The following MCF2L2 variants were observed in gnomAD, a reference collection of about 807,000 sequenced individuals.
MCF2L2 encodes the protein MCF.2 cell line derived transforming sequence-like 2, also known as probable guanine nucleotide exchange factor MCF2L2.
A neutral mutation model predicts 150.2 loss-of-function variants in MCF2L2; 102 were observed. The observed-to-expected ratio is 0.68, with a 90% CI of 0.58 to 0.80. MCF2L2 has a LOEUF of 0.80. Among genes scored for constraint, MCF2L2 ranks in the 30% least tolerant of loss-of-function variants. The pLI is 0.00. For missense variants in MCF2L2, 1,256 were observed against 1,372.8 expected, an observed-to-expected ratio of 0.91 and a Z score of 1.34; for synonymous variants, 465 against 491.3, an observed-to-expected ratio of 0.95 and a Z score of 0.71.
At chr3:183,272,480 C>A (rs1236520151) in intron 15 of MCF2L2, 2 of 998,370 alleles carry the variant, frequency 2.0e-6, no homozygotes, top group Non-Finnish European at 2.4e-6. Flanking sequence ...ATGATACTTA[C>A]AATTTTTAGC....
chr3:183,311,565 T>G (rs878917057), intron 8 of MCF2L2, 83 bp downstream of exon 8: 366 of 1,508,108 alleles, frequency 2.4e-4, no homozygotes, highest in Middle Eastern at 3.5e-4. Context: ...ATATTGGCTG[T>G]TCCAATCTGT....
intron 2 of MCF2L2, among the ~76,000 whole-genome samples, chr3:183,387,201 G>C (rs1022911736): frequency 1.3e-5 from 2 of 151,266 alleles, no homozygotes; most frequent in African/African-American, 2.4e-5. Context: ...GGAGGTCAAG[G>C]CTGCAGTGAG....
chr3:183,208,721 T>C (rs555459920), intron 22 of MCF2L2, among the ~76,000 whole-genome samples: 2 of 152,294 alleles, frequency 1.3e-5, no homozygotes, highest in East Asian at 3.9e-4. Flanking sequence ...GACAAAGAAA[T>C]CTCCCTAAGT....
chr3:183,421,635 C>G (rs1031406969), intron 1 of MCF2L2, among the ~76,000 whole-genome samples: 8 of 152,120 alleles, frequency 5.3e-5, no homozygotes, highest in African/African-American at 1.7e-4. Context: ...AAATCTGACA[C>G]CTGGGCTTTC....
At chr3:183,382,842 T>C (rs1713614498) in intron 2 of MCF2L2, among the ~76,000 whole-genome samples, 1 of 152,200 alleles carries the variant, frequency 6.6e-6, no homozygotes, top group African/African-American at 2.4e-5. Flanking sequence ...TGGTGATAGC[T>C]GGCATGAAGG....
intron 5 of MCF2L2, among the ~76,000 whole-genome samples, chr3:183,337,480 G>T (rs1730529110): frequency 6.6e-6 from 1 of 150,582 alleles, no homozygotes; most frequent in South Asian, 2.1e-4. Context: ...TTGAACCCAG[G>T]AGGTGGAGGT....
Position 183,269,230 on chromosome 3 carries a change from CTTT to C in MCF2L2, c.1862+7639_1862+7641del, listed in dbSNP as rs60835895. ...TACACGATTATAGCCGTTTGGGAAG[CTTT>C]TTTTTTTTTTTTTTTAAGAGTAGGA... On this transcript the variant is annotated intron_variant, in intron 15 of 29. Transcript: ENST00000328913. Among the ~76,000 whole-genome samples the C allele has an allele frequency of 1.3e-3, 105 of 80,980 alleles. 1 individual carries two copies. The highest frequency in any genetic ancestry group is 1.8e-3 in the Non-Finnish European group (81 of 45,086). The allele number at this position is 80,980 out of a possible 152,430, so 53.1% of individuals were successfully genotyped here.
At chr3:183,388,167 T>C (rs1477805727) in intron 2 of MCF2L2, among the ~76,000 whole-genome samples, 2 of 152,280 alleles carry the variant, frequency 1.3e-5, no homozygotes, top group Middle Eastern at 3.4e-3. Flanking sequence ...ATCATAAATG[T>C]ATTAATTAAT....
intron 1 of MCF2L2, among the ~76,000 whole-genome samples, chr3:183,406,354 A>G (rs780873344): frequency 2.0e-5 from 3 of 152,172 alleles, no homozygotes; most frequent in African/African-American, 7.2e-5. Context: ...TGTATATCTT[A>G]TATCTTCCTT....
intron 15 of MCF2L2, among the ~76,000 whole-genome samples, chr3:183,260,914 A>G (rs1296197579): frequency 6.6e-6 from 1 of 152,234 alleles, no homozygotes; most frequent in African/African-American, 2.4e-5. Flanking sequence ...ATGGCTTCTA[A>G]TTGTTGCCCA....
chr3:183,193,089 T>C lies in MCF2L2; in HGVS notation c.2926A>G (p.Ser976Gly). The C allele has an allele frequency of 6.2e-7, 1 of 1,613,760 alleles. No homozygotes were observed. The highest frequency in any genetic ancestry group is 8.5e-7 in the Non-Finnish European group (1 of 1,179,678). Residue 976 changes from serine to glycine, a missense_variant, in exon 27 of 30, where the codon AGT becomes GGT. Physicochemically the swap from Ser to Gly is moderately conservative, Grantham distance 56 (BLOSUM62 0). Coordinates refer to ENST00000328913, the MANE Select transcript of MCF2L2 (RefSeq NM_015078.4). ...ATCCATGGTCCGGATCCTGCTCCAC[T>C]GCCTTTGCTTTAGAGAAATAAACAT... is the stretch of plus-strand genomic sequence containing the variant. ...PQFEMSTSKGSGAGSGPWIKN... is the reference protein window; with the variant it reads ...PQFEMSTSKGGGAGSGPWIKN...
chr3:183,321,319 TC>T (rs1729800401), intron 6 of MCF2L2, among the ~76,000 whole-genome samples: 1 of 151,650 alleles, frequency 6.6e-6, no homozygotes, highest in Non-Finnish European at 1.5e-5. Context: ...GTGCCTGTAA[TC>T]CCAGTTACTT....
intron 1 of MCF2L2, among the ~76,000 whole-genome samples, chr3:183,393,164 C>T (rs1234232435): frequency 2.7e-5 from 4 of 150,818 alleles, no homozygotes; most frequent in Non-Finnish European, 5.9e-5. Flanking sequence ...CCATTTTTGG[C>T]ATGCACAGAT....
chr3:183,405,389 G>C (rs1210112382), intron 1 of MCF2L2, among the ~76,000 whole-genome samples: 1 of 152,054 alleles, frequency 6.6e-6, no homozygotes, highest in Non-Finnish European at 1.5e-5. Context: ...TGGGAATACA[G>C]TTCTATGAGT....
At chr3:183,396,170 A>C (rs1418117791) in intron 1 of MCF2L2, among the ~76,000 whole-genome samples, 4 of 151,844 alleles carry the variant, frequency 2.6e-5, no homozygotes, top group Non-Finnish European at 4.4e-5. Flanking sequence ...CGCTGCTCAG[A>C]CCCAGGGAAA....
At chr3:183,414,153 C>T (rs67522029) in intron 1 of MCF2L2, among the ~76,000 whole-genome samples, 15,343 of 152,156 alleles carry the variant, frequency 0.1, 845 homozygotes, top group African/African-American at 0.15. Flanking sequence ...ACAATTGGTA[C>T]GAATTCTTCT....
At chr3:183,216,396 T>TATATA (rs1722913293) in intron 21 of MCF2L2, among the ~76,000 whole-genome samples, 1 of 144,564 alleles carries the variant, frequency 6.9e-6, no homozygotes, top group South Asian at 2.1e-4. Flanking sequence ...GCTATATAGC[T>TATATA]GAATTCTATA....
intron 1 of MCF2L2, among the ~76,000 whole-genome samples, chr3:183,393,185 C>T (rs935474162): frequency 3.5e-5 from 5 of 142,686 alleles, no homozygotes; most frequent in Non-Finnish European, 3.0e-5. Context: ...TAGGGAGAAA[C>T]TTGTCTCTTT....
chr3:183,419,092 AC>A (rs1715745247), intron 1 of MCF2L2, among the ~76,000 whole-genome samples: 2 of 152,192 alleles, frequency 1.3e-5, no homozygotes, highest in Admixed American at 1.3e-4. Flanking sequence ...TGTTCTGTGC[AC>A]CTACAGGCTC....
Sources: gnomAD v4.1 joint callset for allele counts (sites outside exome capture counted in the v4.1 genomes callset) on GRCh38, gnomAD v4.1.1 for gene constraint, MANE v1.5 for transcripts, NCBI Gene and HGNC (gene_info 2026-07-23, HGNC 2026-07-21) for gene names.